The following ARSG variants were observed in gnomAD, a reference collection of about 807,000 sequenced individuals.
ARSG encodes the protein ASG.
Under a neutral mutation model 50.5 loss-of-function variants are expected in ARSG, and 37 were observed. The ratio of observed to expected loss-of-function variants is 0.73; its 90% confidence interval spans 0.56 to 0.96. The LOEUF (loss-of-function observed/expected upper bound fraction) is 0.96. ARSG is among the 50% of genes least tolerant of loss of function. The pLI is 0.00. For synonymous variants in ARSG, 225 were observed against 254.6 expected, an observed-to-expected ratio of 0.88 and a Z score of 1.11; for missense variants, 629 against 675.3, an observed-to-expected ratio of 0.93 and a Z score of 0.76.
At chr17:68,391,343 C>A (rs1189609809) in intron 9 of ARSG, among the ~76,000 whole-genome samples, 1 of 152,172 alleles carries the variant, frequency 6.6e-6, no homozygotes, top group Non-Finnish European at 1.5e-5. Context: ...ATGGGGCTGC[C>A]TCGAGTGGCC....
intron 2 of ARSG, among the ~76,000 whole-genome samples, chr17:68,323,787 C>A (rs1405177906): frequency 6.6e-6 from 1 of 152,120 alleles, no homozygotes; most frequent in African/African-American, 2.4e-5. Context: ...AAGATCAATC[C>A]ACAGGCTGGG....
At chr17:68,448,203 C>G in the ARSG span, 1 of 152,352 alleles carries the variant, frequency 6.6e-6, no homozygotes, top group African/African-American at 2.4e-5. Flanking sequence ...CACAGAATCC[C>G]TACCTGGCAA....
the ARSG span, among the ~76,000 whole-genome samples, chr17:68,429,145 A>G: frequency 2.0e-5 from 3 of 152,140 alleles, no homozygotes; most frequent in African/African-American, 7.2e-5. Flanking sequence ...TTTGAACGTG[A>G]CAGTGTGGAT....
chr17:68,343,431 A>G lies in ARSG; in HGVS notation c.219-173A>G, dbSNP rs59313366. On this transcript the variant is annotated intron_variant, in intron 2 of 11. Coordinates refer to ENST00000621439, the MANE Select transcript of ARSG (RefSeq NM_001267727.2). Reference sequence around the variant, plus strand: ...CTCGGCCTCTCAAAGTGTTGGGATTACAGGGGTGAGCCACCGCGCCTGGCC... The same window carrying G: ...CTCGGCCTCTCAAAGTGTTGGGATTGCAGGGGTGAGCCACCGCGCCTGGCC... Among the ~76,000 whole-genome samples, 5,567 of 152,282 alleles carry G rather than the reference A, an allele frequency of 0.037. 349 individuals are homozygous for G. Among genetic ancestry groups the G allele is most frequent in the African/African-American group, 0.13 (5,213 of 41,542 alleles).
At chr17:68,383,976 A>C (rs2080571607) in intron 8 of ARSG, among the ~76,000 whole-genome samples, 1 of 152,206 alleles carries the variant, frequency 6.6e-6, no homozygotes, top group Non-Finnish European at 1.5e-5. Flanking sequence ...AATGCTGAGC[A>C]TTTCCCGTGT....
chr17:68,365,296 A>G (rs150132323), intron 6 of ARSG, among the ~76,000 whole-genome samples: 376 of 152,356 alleles, frequency 2.5e-3, no homozygotes, highest in Non-Finnish European at 4.1e-3. Flanking sequence ...TGGGAGACAG[A>G]GCGAGACTCC....
chr17:68,425,612 A>C (rs981885071), downstream of ARSG, among the ~76,000 whole-genome samples: 4 of 152,138 alleles, frequency 2.6e-5, no homozygotes, highest in African/African-American at 9.7e-5. Context: ...TGGTTCACAG[A>C]GTGCAGCAAC....
At chr17:68,447,184 C>T in the ARSG span, among the ~76,000 whole-genome samples, 1 of 152,116 alleles carries the variant, frequency 6.6e-6, no homozygotes, top group Non-Finnish European at 1.5e-5. Context: ...AGGCTTCGAG[C>T]CAATCAGCCT....
chr17:68,312,868 C>T (rs1599674607), intron 2 of ARSG, among the ~76,000 whole-genome samples: 1 of 152,086 alleles, frequency 6.6e-6, no homozygotes, highest in African/African-American at 2.4e-5. Flanking sequence ...GGACTGCACG[C>T]TCAAGCCACC....
chr17:68,291,027 AAAAC>A (rs1181168096), upstream of ARSG: 1 of 152,242 alleles, frequency 6.6e-6, no homozygotes, highest in East Asian at 1.9e-4. Flanking sequence ...TATTTTTTAA[AAAAC>A]AACCCACATC....
chr17:68,427,209 A>C, downstream of ARSG: 1 of 1,614,212 alleles, frequency 6.2e-7, no homozygotes, highest in South Asian at 1.1e-5. Flanking sequence ...GGAAGGTCTG[A>C]GGTCATTTTC....
At chr17:68,379,166 G>C (rs531194297) in intron 8 of ARSG, among the ~76,000 whole-genome samples, 154 of 152,312 alleles carry the variant, frequency 1.0e-3, no homozygotes, top group South Asian at 3.9e-3. Flanking sequence ...AGGCCGCCCT[G>C]TGTTTCTAGA....
intron 11 of ARSG, among the ~76,000 whole-genome samples, chr17:68,402,417 T>A (rs181650712): frequency 7.8e-4 from 119 of 152,054 alleles, no homozygotes; most frequent in African/African-American, 2.7e-3. Context: ...GCTAATTTTT[T>A]AATTTTTAGT....
chr17:68,350,415 G>C (rs143323161), intron 4 of ARSG, among the ~76,000 whole-genome samples: 1,730 of 152,318 alleles, frequency 0.011, 114 homozygotes, highest in Admixed American at 0.096. Context: ...GCAGTTACCT[G>C]GGTAATTGGG....
intron 10 of ARSG, among the ~76,000 whole-genome samples, chr17:68,396,837 A>G (rs1320915219): frequency 6.6e-6 from 1 of 152,060 alleles, no homozygotes; most frequent in African/African-American, 2.4e-5. Context: ...TGCCCCCTAG[A>G]GCTGCAGACC....
chr17:68,425,771 T>G (rs1320082570), downstream of ARSG, among the ~76,000 whole-genome samples: 1 of 152,128 alleles, frequency 6.6e-6, no homozygotes, highest in Non-Finnish European at 1.5e-5. Context: ...GGCAGCAAAG[T>G]CAGTGCTACA....
At chr17:68,441,415 G>A in the ARSG span, among the ~76,000 whole-genome samples, 49 of 152,324 alleles carry the variant, frequency 3.2e-4, no homozygotes, top group Non-Finnish European at 6.5e-4. Context: ...ACAATTAGAC[G>A]AGTGATTGTG....
chr17:68,387,114 CACACA>C (rs2080767338), intron 9 of ARSG, among the ~76,000 whole-genome samples: 2 of 123,502 alleles, frequency 1.6e-5, no homozygotes, highest in Admixed American at 7.8e-5. Context: ...CACACACACA[CACACA>C]TACCTTTTAT....
At chr17:68,276,443 C>G (rs2075524022) in intron 1 of ARSG, among the ~76,000 whole-genome samples, 1 of 151,846 alleles carries the variant, frequency 6.6e-6, no homozygotes. Flanking sequence ...GCCTGGTTAA[C>G]TTTCTTTATT....
Sources: gnomAD v4.1 joint callset for allele counts (sites outside exome capture counted in the v4.1 genomes callset) on GRCh38, gnomAD v4.1.1 for gene constraint, MANE v1.5 for transcripts, NCBI Gene and HGNC (gene_info 2026-07-23, HGNC 2026-07-21) for gene names.